The following MRTFB variants were observed in gnomAD, a reference collection of about 807,000 sequenced individuals.
MRTFB encodes the protein myocardin-related transcription factor B.
In MRTFB, 29 loss-of-function variants were observed where a neutral mutation model predicts 104.2. The observed-to-expected ratio is 0.28, with a 90% confidence interval of 0.21 to 0.38. The LOEUF is 0.38. MRTFB is among the 10% of genes least tolerant of loss of function. The pLI, the probability that MRTFB is intolerant of heterozygous loss-of-function variation, is 1.00. For missense variants in MRTFB, 1,270 were observed against 1,341.6 expected, an observed-to-expected ratio of 0.95 and a Z score of 0.83; for synonymous variants, 535 against 519.5, an observed-to-expected ratio of 1.03 and a Z score of -0.41.
chr16:13,996,836 TAGA>T, the MRTFB span, among the ~76,000 whole-genome samples: 1 of 152,158 alleles, frequency 6.6e-6, no homozygotes, highest in Admixed American at 6.5e-5. Context: ...CGGCTCTCTG[TAGA>T]AGGTGTGCTT....
chr16:14,064,272 C>A, the MRTFB span, among the ~76,000 whole-genome samples: 1 of 152,048 alleles, frequency 6.6e-6, no homozygotes, highest in East Asian at 1.9e-4. Flanking sequence ...GTATACATGT[C>A]GTCTTTTGAA....
At chr16:14,156,160 C>G (rs527711397) in intron 3 of MRTFB, among the ~76,000 whole-genome samples, 1 of 152,182 alleles carries the variant, frequency 6.6e-6, no homozygotes, top group Admixed American at 6.5e-5. Context: ...TGTGTGAAAG[C>G]AATTGTTTCA....
intron 2 of MRTFB, among the ~76,000 whole-genome samples, chr16:14,126,194 T>C (rs989382374): frequency 6.6e-6 from 1 of 152,200 alleles, no homozygotes; most frequent in Non-Finnish European, 1.5e-5. Flanking sequence ...CAGAGGGTTT[T>C]TTTTTCCTTT....
chr16:14,252,631 T>C, intron 15 of MRTFB, 129 bp downstream of exon 15: 1 of 1,123,806 alleles, frequency 8.9e-7, no homozygotes, highest in Non-Finnish European at 1.2e-6. Context: ...AATAACCTTG[T>C]ATTTTACATG....
rs1293354538 is a variant in MRTFB at position 14,264,795 on chromosome 16, A to G, written c.*3351A>G. ...AGCACCTCTGAACTGTGCAGTCAGC[A>G]TACCCTGAGTGATGGCTCAGGGGCG... On this transcript the variant is annotated 3_prime_UTR_variant, in exon 17 of 17. Transcript: ENST00000571589. The G allele has an allele frequency of 6.6e-6, 1 of 152,210 alleles. No homozygotes were observed. The highest frequency in any genetic ancestry group is 1.5e-5 in the Non-Finnish European group (1 of 68,044). 9.4% of individuals were successfully genotyped at this position (152,210 alleles called of 1,614,324 possible). A position where few individuals can be genotyped will look rare whatever the true frequency, so the allele number is the denominator to read the frequency against.
At chr16:14,058,647 G>A in the MRTFB span, among the ~76,000 whole-genome samples, 2 of 149,344 alleles carry the variant, frequency 1.3e-5, no homozygotes, top group African/African-American at 5.0e-5. Flanking sequence ...CTTCTGTGTG[G>A]TCTTACTGGA....
intron 8 of MRTFB, among the ~76,000 whole-genome samples, chr16:14,233,413 G>A (rs893102870): frequency 4.6e-5 from 7 of 152,128 alleles, no homozygotes; most frequent in Non-Finnish European, 8.8e-5. Flanking sequence ...AGGGTAGGTC[G>A]AGTGTGATGC....
chr16:14,244,751 C>T (rs749174318), intron 10 of MRTFB, among the ~76,000 whole-genome samples: 1 of 152,166 alleles, frequency 6.6e-6, no homozygotes, highest in Non-Finnish European at 1.5e-5. Flanking sequence ...GGTTTTCTGT[C>T]TCTTTCTTAC....
intron 3 of MRTFB, among the ~76,000 whole-genome samples, chr16:14,158,286 C>A (rs1280853135): frequency 6.6e-6 from 1 of 152,200 alleles, no homozygotes; most frequent in Non-Finnish European, 1.5e-5. Context: ...TTCCTTCTTG[C>A]TTACACGGTA....
intron 2 of MRTFB, among the ~76,000 whole-genome samples, chr16:14,090,223 C>T (rs888403312): frequency 1.2e-4 from 19 of 152,136 alleles, no homozygotes; most frequent in African/African-American, 4.3e-4. Flanking sequence ...TATTTCTAGA[C>T]ATCTCCCATT....
At chr16:14,229,204 C>T (rs968486124) in intron 8 of MRTFB, among the ~76,000 whole-genome samples, 1 of 152,256 alleles carries the variant, frequency 6.6e-6, no homozygotes, top group Admixed American at 6.5e-5. Context: ...TTTTAATATT[C>T]ACTTACTTAT....
the MRTFB span, among the ~76,000 whole-genome samples, chr16:14,005,138 T>G: frequency 6.6e-6 from 1 of 152,254 alleles, no homozygotes; most frequent in Non-Finnish European, 1.5e-5. Flanking sequence ...CTCCAGGAAC[T>G]GATGAACAAC....
chr16:14,246,231 C>G (rs1262301735), intron 11 of MRTFB, among the ~76,000 whole-genome samples: 2 of 152,224 alleles, frequency 1.3e-5, no homozygotes, highest in African/African-American at 4.8e-5. Flanking sequence ...TAGTATCTCT[C>G]TGCTTTGACG....
chr16:14,127,900 AATATATATAT>A (rs1194977108), intron 2 of MRTFB, among the ~76,000 whole-genome samples: 20 of 49,534 alleles, frequency 4.0e-4, no homozygotes, highest in African/African-American at 1.1e-3. Context: ...AGCAAAACTG[AATATATATAT>A]ATATATATAT....
chr16:14,223,395 A>G (rs1319539946), intron 8 of MRTFB, among the ~76,000 whole-genome samples: 1 of 152,154 alleles, frequency 6.6e-6, no homozygotes, highest in South Asian at 2.1e-4. Flanking sequence ...AAACACACAT[A>G]TCTGCCCTAC....
chr16:14,144,005 G>A (rs1300639446), intron 3 of MRTFB: 1 of 152,146 alleles, frequency 6.6e-6, no homozygotes, highest in East Asian at 1.9e-4. Context: ...GTTTTTAAAA[G>A]GCTACTTTGT....
chr16:14,208,625 G>C (rs573739629), intron 3 of MRTFB, among the ~76,000 whole-genome samples: 1 of 152,180 alleles, frequency 6.6e-6, no homozygotes, highest in East Asian at 1.9e-4. Flanking sequence ...TCTGCTTCTT[G>C]AATATGATTA....
At chr16:14,041,894 C>G in the MRTFB span, among the ~76,000 whole-genome samples, 3 of 151,942 alleles carry the variant, frequency 2.0e-5, no homozygotes, top group Non-Finnish European at 4.4e-5. Context: ...CCATTGCACT[C>G]GAGCCTGGGC....
chr16:14,198,897 C>G (rs188091161), intron 3 of MRTFB, among the ~76,000 whole-genome samples: 16 of 152,290 alleles, frequency 1.1e-4, no homozygotes, highest in Non-Finnish European at 1.8e-4. Context: ...CTCTTATGCT[C>G]TTGTTCATTC....
Sources: gnomAD v4.1 joint callset for allele counts (sites outside exome capture counted in the v4.1 genomes callset) on GRCh38, gnomAD v4.1.1 for gene constraint, MANE v1.5 for transcripts, NCBI Gene and HGNC (gene_info 2026-07-23, HGNC 2026-07-21) for gene names.